The following KLHL2 variants were observed in gnomAD, a reference collection of about 807,000 sequenced individuals.
KLHL2 encodes kelch-like protein 2.
In KLHL2, 15 loss-of-function variants were observed where a neutral mutation model predicts 75.8. The observed-to-expected ratio is 0.20, with a 90% CI of 0.13 to 0.30. The LOEUF (loss-of-function observed/expected upper bound fraction) is 0.30, where lower values mean the gene tolerates loss of function less well. Among genes scored for constraint, KLHL2 ranks in the 10% least tolerant of loss-of-function variants. The pLI is 1.00. For synonymous variants in KLHL2, 214 were observed against 251.9 expected (o/e 0.85, Z 1.42); for missense variants, 381 against 741.0 (o/e 0.51, Z 5.64).
In KLHL2 at chr4:165,311,474, T is replaced by G. The variant is rs1416736128; in HGVS notation, c.1248T>G (p.Ser416=). ...GGFDGSTGLS[S]VEAYNIKSNE... is the part of the protein sequence containing the mutation. ...TGTGCTTTATTATAGGTTTGTCATC[T>G]GTGGAAGCATACAACATAAAGTCTA... The change falls in exon 11 of 15, where the codon TCT becomes TCG. Residue 416 remains serine, a synonymous_variant. Coordinates refer to ENST00000226725, the MANE Select transcript of KLHL2 (RefSeq NM_007246.4). 4 of 1,610,394 alleles carry G rather than the reference T, an allele frequency of 2.5e-6. No individual in the cohort carries two copies. Among genetic ancestry groups the G allele is most frequent in the Non-Finnish European group, 3.4e-6 (4 of 1,177,262 alleles).
chr4:165,310,287 T>A lies in KLHL2; in HGVS notation c.1040-266T>A, dbSNP rs183286632. Among the ~76,000 whole-genome samples, 849 of 152,314 alleles carry A rather than the reference T, an allele frequency of 5.6e-3. 10 individuals are homozygous for A. The highest frequency in any genetic ancestry group is 0.019 in the African/African-American group (788 of 41,552). Reference sequence around the variant, plus strand: ...TTGCAGTGAGCTGAGATGGCGCCACTGCACTCCAGCCTGGGCGACAGAGTG... The same window carrying A: ...TTGCAGTGAGCTGAGATGGCGCCACAGCACTCCAGCCTGGGCGACAGAGTG... On this transcript the variant is annotated intron_variant, in intron 9 of 14. Coordinates refer to ENST00000226725, the MANE Select transcript of KLHL2 (RefSeq NM_007246.4).
chr4:165,236,434 C>T (rs1027203280), intron 3 of KLHL2, among the ~76,000 whole-genome samples: 2 of 152,122 alleles, frequency 1.3e-5, no homozygotes, highest in Non-Finnish European at 2.9e-5. Flanking sequence ...CCAGGCTAGT[C>T]TTGAACTCCT....
intron 5 of KLHL2, chr4:165,277,922 G>A: frequency 1.1e-6 from 1 of 892,744 alleles, no homozygotes; most frequent in Non-Finnish European, 1.9e-6. Flanking sequence ...AGAGACAATT[G>A]CTGGGTTGTT....
chr4:165,257,162 A>G (rs59537562), intron 4 of KLHL2, among the ~76,000 whole-genome samples: 13,283 of 152,270 alleles, frequency 0.087, 651 homozygotes, highest in Middle Eastern at 0.13. Context: ...TCCTTCTGCA[A>G]GCAAGGCTTA....
intron 6 of KLHL2, among the ~76,000 whole-genome samples, chr4:165,297,265 C>T (rs776271002): frequency 5.3e-5 from 8 of 152,112 alleles, no homozygotes; most frequent in African/African-American, 9.6e-5. Context: ...AGAGCTGAGT[C>T]GATCTATTGT....
intron 6 of KLHL2, among the ~76,000 whole-genome samples, chr4:165,294,928 A>G (rs1744800394): frequency 6.6e-6 from 1 of 152,160 alleles, no homozygotes; most frequent in East Asian, 1.9e-4. Flanking sequence ...GTAGTTCTAG[A>G]CTGAACATTC....
At chr4:165,225,739 A>G (rs531502206) in intron 2 of KLHL2, among the ~76,000 whole-genome samples, 3 of 152,224 alleles carry the variant, frequency 2.0e-5, no homozygotes, top group Non-Finnish European at 2.9e-5. Context: ...GACCCAAACT[A>G]GTAAGAGTTT....
At position 165,264,721 on chromosome 4, in the gene KLHL2, C is replaced by CATATATATATAT. The variant is rs1187856274; in HGVS notation, c.544+1369_544+1380dup. Among the ~76,000 whole-genome samples, 50 of 71,182 alleles carry CATATATATATAT rather than the reference C, an allele frequency of 7.0e-4. 1 individual carries two copies. Among genetic ancestry groups the CATATATATATAT allele is most frequent in the Non-Finnish European group, 1.1e-3 (42 of 37,890 alleles). 46.7% of individuals were successfully genotyped at this position (71,182 alleles called of 152,430 possible). On this transcript the variant is annotated intron_variant, in intron 5 of 14. Transcript: ENST00000226725. ...GTGTGTGTGTATATATATATATATA[C>CATATATATATAT]ATATATATATATATATATGTATATA...
At chr4:165,247,110 G>C (rs1000076864) in intron 4 of KLHL2, among the ~76,000 whole-genome samples, 2 of 152,230 alleles carry the variant, frequency 1.3e-5, no homozygotes, top group African/African-American at 4.8e-5. Flanking sequence ...AGCCATATCA[G>C]TGTAGGTGTC....
intron 4 of KLHL2, among the ~76,000 whole-genome samples, chr4:165,249,992 C>T (rs1436965081): frequency 4.6e-5 from 7 of 151,868 alleles, no homozygotes; most frequent in African/African-American, 1.5e-4. Context: ...GGCGTGGTGG[C>T]GGGCGCCTGT....
chr4:165,220,433 C>T (rs577403360), intron 2 of KLHL2, among the ~76,000 whole-genome samples: 19 of 151,946 alleles, frequency 1.3e-4, no homozygotes, highest in Non-Finnish European at 1.9e-4. Flanking sequence ...AAAAAGAATA[C>T]AGTAGGCCAG....
intron 4 of KLHL2, among the ~76,000 whole-genome samples, chr4:165,259,693 G>C (rs528933075): frequency 6.6e-6 from 1 of 152,310 alleles, no homozygotes; most frequent in South Asian, 2.1e-4. Context: ...AGTGGTTGTT[G>C]TCTTTATTAT....
intron 8 of KLHL2, among the ~76,000 whole-genome samples, chr4:165,301,059 T>C (rs925998257): frequency 2.6e-5 from 4 of 152,208 alleles, no homozygotes; most frequent in African/African-American, 9.7e-5. Context: ...AATATTTTAA[T>C]TTAGAATTGA....
chr4:165,261,067 A>G (rs1741625795), intron 4 of KLHL2, among the ~76,000 whole-genome samples: 1 of 152,188 alleles, frequency 6.6e-6, no homozygotes, highest in Non-Finnish European at 1.5e-5. Flanking sequence ...ATTTGTGCAG[A>G]TTTCACAGAG....
chr4:165,257,901 T>A (rs1196659335), intron 4 of KLHL2, among the ~76,000 whole-genome samples: 2 of 151,660 alleles, frequency 1.3e-5, no homozygotes, highest in Non-Finnish European at 2.9e-5. Context: ...GTAGGTGCTG[T>A]GAAGCAAATG....
chr4:165,279,911 C>G (rs1743528919), intron 5 of KLHL2, among the ~76,000 whole-genome samples: 2 of 152,216 alleles, frequency 1.3e-5, no homozygotes, highest in South Asian at 4.1e-4. Flanking sequence ...CCTTCAGAAT[C>G]TATACTGTTG....
At chr4:165,275,362 C>T (rs1287831858) in intron 5 of KLHL2, among the ~76,000 whole-genome samples, 3 of 151,974 alleles carry the variant, frequency 2.0e-5, no homozygotes, top group Non-Finnish European at 2.9e-5. Flanking sequence ...AAAAATTGAA[C>T]TCATTGGTTT....
chr4:165,255,007 C>T (rs1366714317), intron 4 of KLHL2, among the ~76,000 whole-genome samples: 2 of 152,196 alleles, frequency 1.3e-5, no homozygotes, highest in African/African-American at 2.4e-5. Context: ...TGTGTTAAAT[C>T]GTTGACTGAC....
chr4:165,269,958 A>G (rs543751773), intron 5 of KLHL2, among the ~76,000 whole-genome samples: 65 of 152,272 alleles, frequency 4.3e-4, no homozygotes, highest in South Asian at 1.7e-3. Context: ...CGGTACACCA[A>G]TCAAACGTAT....
Sources: allele counts gnomAD v4.1 joint callset (sites outside exome capture counted in the v4.1 genomes callset), GRCh38; gene constraint gnomAD v4.1.1; transcripts MANE v1.5; gene names NCBI Gene and HGNC (gene_info 2026-07-23, HGNC 2026-07-21).